The following PARD3 variants were observed in gnomAD, a reference collection of about 807,000 sequenced individuals.
PARD3 encodes par-3 family cell polarity regulator, also known as partitioning defective 3 homolog.
Under a neutral mutation model 155.4 loss-of-function variants are expected in PARD3, and 75 were observed. That is an observed-to-expected ratio of 0.48 (90% CI 0.40 to 0.58). The LOEUF is 0.58. PARD3 is among the 20% of genes least tolerant of loss of function. The pLI, the probability that PARD3 is intolerant of heterozygous loss-of-function variation, is 0.00. For missense variants in PARD3, 1,642 were observed against 1,721.7 expected, an observed-to-expected ratio of 0.95 and a Z score of 0.82; for synonymous variants, 576 against 610.5, an observed-to-expected ratio of 0.94 and a Z score of 0.83.
At chr10:34,647,589 C>T (rs893717007) in intron 2 of PARD3, among the ~76,000 whole-genome samples, 1 of 152,318 alleles carries the variant, frequency 6.6e-6, no homozygotes, top group East Asian at 1.9e-4. Flanking sequence ...CTCTTTTAAG[C>T]TTTGCTGGGC....
intron 2 of PARD3, among the ~76,000 whole-genome samples, chr10:34,596,154 C>T (rs2089230883): frequency 6.6e-6 from 1 of 152,036 alleles, no homozygotes; most frequent in Admixed American, 6.6e-5. Context: ...CACTACAGAT[C>T]AGATGAGATT....
chr10:34,563,688 G>A (rs2085692825), intron 2 of PARD3, among the ~76,000 whole-genome samples: 1 of 152,078 alleles, frequency 6.6e-6, no homozygotes, highest in South Asian at 2.1e-4. Context: ...GTGCCACCAA[G>A]TCCAGCTAAT....
intron 12 of PARD3, among the ~76,000 whole-genome samples, chr10:34,371,117 T>C (rs1840556735): frequency 6.6e-6 from 1 of 152,096 alleles, no homozygotes; most frequent in Admixed American, 6.6e-5. Flanking sequence ...TGTAGCTTTA[T>C]ATTATATATA....
At chr10:34,520,149 T>C (rs1473413011) in intron 2 of PARD3, among the ~76,000 whole-genome samples, 4 of 152,220 alleles carry the variant, frequency 2.6e-5, no homozygotes, top group Admixed American at 6.5e-5. Flanking sequence ...TATAAATGGC[T>C]TTGTCGTTTG....
intron 2 of PARD3, among the ~76,000 whole-genome samples, chr10:34,604,757 G>C (rs368337228): frequency 6.6e-6 from 1 of 151,448 alleles, no homozygotes; most frequent in South Asian, 2.1e-4. Flanking sequence ...GACAAATCTC[G>C]CTATACCGTC....
chr10:34,363,059 C>T (rs7090721), intron 12 of PARD3, among the ~76,000 whole-genome samples: 89,246 of 152,084 alleles, frequency 0.59, 27,919 homozygotes, highest in African/African-American at 0.82. Flanking sequence ...AGTCTCATCA[C>T]TCACTATGCT....
intron 12 of PARD3, among the ~76,000 whole-genome samples, chr10:34,369,652 C>T (rs187160675): frequency 0.012 from 1,893 of 152,182 alleles, 11 homozygotes; most frequent in Non-Finnish European, 0.019. Context: ...TAATATATCT[C>T]CTGCAGGAAA....
At chr10:34,812,136 TGAAGA>T (rs1406044520) in intron 1 of PARD3, among the ~76,000 whole-genome samples, 1 of 152,234 alleles carries the variant, frequency 6.6e-6, no homozygotes, top group Admixed American at 6.5e-5. Context: ...TTGTGTAATC[TGAAGA>T]GAAAACAGCT....
At chr10:34,125,498 A>G (rs1447247790) in intron 23 of PARD3, among the ~76,000 whole-genome samples, 6 of 152,208 alleles carry the variant, frequency 3.9e-5, no homozygotes, top group African/African-American at 1.4e-4. Flanking sequence ...GAGAGCAGAT[A>G]CTTTTTAAGT....
At chr10:34,804,210 T>G (rs1469735029) in intron 1 of PARD3, among the ~76,000 whole-genome samples, 2 of 152,170 alleles carry the variant, frequency 1.3e-5, no homozygotes, top group African/African-American at 4.8e-5. Flanking sequence ...AATTTTTTTG[T>G]ATTTTTAATA....
intron 17 of PARD3, 32 bp downstream of exon 17, chr10:34,337,243 T>C: frequency 1.4e-6 from 2 of 1,400,074 alleles, no homozygotes; most frequent in East Asian, 2.6e-5. Context: ...TTAAAACTTA[T>C]TTAGATAAAG....
chr10:34,776,970 G>A (rs1289288426), intron 1 of PARD3, among the ~76,000 whole-genome samples: 1 of 150,412 alleles, frequency 6.6e-6, no homozygotes, highest in Non-Finnish European at 1.5e-5. Flanking sequence ...CTGAATAGCT[G>A]GACTTACAGG....
chr10:34,463,949 T>C (rs564871970), intron 4 of PARD3, among the ~76,000 whole-genome samples: 2 of 152,276 alleles, frequency 1.3e-5, no homozygotes, highest in East Asian at 1.9e-4. Flanking sequence ...GGCTACACCA[T>C]CTAGGTTTGT....
chr10:34,783,604 CAAAAAAAAAA>C (rs35411933), intron 1 of PARD3, among the ~76,000 whole-genome samples: 6 of 76,248 alleles, frequency 7.9e-5, no homozygotes, highest in East Asian at 4.3e-4. Context: ...ACTCCGTCTT[CAAAAAAAAAA>C]AAAAAAAAAA....
In PARD3 at chr10:34,227,856, T is replaced by TATATATATATA. The variant is rs1554814034; in HGVS notation, c.3419+41800_3419+41801insTATATATATAT. On this transcript the variant is annotated intron_variant, in intron 22 of 24. Transcript: ENST00000374788. ...TATTCCCAGTAATGGGAATTATTTT[T>TATATATATATA]TATATATATATATATATATATATAT... Among the ~76,000 whole-genome samples the TATATATATATA allele has an allele frequency of 7.1e-3, 586 of 82,196 alleles. 18 individuals carry two copies. The highest frequency in any genetic ancestry group is 0.02 in the Middle Eastern group (3 of 148). 53.9% of individuals were successfully genotyped at this position (82,196 alleles called of 152,430 possible).
At chr10:34,138,201 G>C (rs148330717) in intron 22 of PARD3, among the ~76,000 whole-genome samples, 2 of 152,280 alleles carry the variant, frequency 1.3e-5, no homozygotes, top group African/African-American at 4.8e-5. Flanking sequence ...TCTGGTCTCT[G>C]GGAAAAATTG....
At chr10:34,253,327 A>T in intron 22 of PARD3, among the ~76,000 whole-genome samples, 1 of 152,250 alleles carries the variant, frequency 6.6e-6, no homozygotes, top group East Asian at 1.9e-4. Flanking sequence ...AGCAAAGCCT[A>T]CAGGCCCTAG....
At chr10:34,227,487 A>C (rs143712177) in intron 22 of PARD3, among the ~76,000 whole-genome samples, 2,914 of 152,208 alleles carry the variant, frequency 0.019, 39 homozygotes, top group Middle Eastern at 0.027. Context: ...AATACAAAAA[A>C]ATAAGCTGGA....
At chr10:34,542,233 G>GCA (rs139194029) in intron 2 of PARD3, among the ~76,000 whole-genome samples, 2,176 of 8,418 alleles carry the variant, frequency 0.26, 67 homozygotes, top group East Asian at 0.47. Flanking sequence ...GTGTGTGTGT[G>GCA]TGTGTGCACA....
Sources: gnomAD v4.1 joint callset for allele counts (sites outside exome capture counted in the v4.1 genomes callset) on GRCh38, gnomAD v4.1.1 for gene constraint, MANE v1.5 for transcripts, NCBI Gene and HGNC (gene_info 2026-07-23, HGNC 2026-07-21) for gene names.